The following INTS9 variants were observed in gnomAD, a reference collection of about 807,000 sequenced individuals.
INTS9 encodes the protein protein related to CPSF subunits of 74 kDa.
In INTS9, 55 loss-of-function variants were observed where a neutral mutation model predicts 79.7. The observed-to-expected ratio is 0.69, with a 90% CI of 0.56 to 0.86. INTS9 has a LOEUF of 0.86. INTS9 is among the 40% of genes least tolerant of loss of function. INTS9 has a pLI of 0.00. For synonymous variants in INTS9, 319 were observed against 325.2 expected (o/e 0.98, Z 0.20); for missense variants, 721 against 831.5 (o/e 0.87, Z 1.64).
At chr8:28,881,855 C>T (rs1809849941) in intron 1 of INTS9, among the ~76,000 whole-genome samples, 1 of 144,344 alleles carries the variant, frequency 6.9e-6, no homozygotes. Flanking sequence ...CCCGCCCGGC[C>T]AGCCGCCCCA....
chr8:28,856,487 T>C (rs1808167930), intron 2 of INTS9, among the ~76,000 whole-genome samples: 1 of 152,074 alleles, frequency 6.6e-6, no homozygotes, highest in African/African-American at 2.4e-5. Context: ...GGTGGCACAA[T>C]CATGGCTCAC....
At chr8:28,857,491 G>A (rs185739782) in intron 2 of INTS9, among the ~76,000 whole-genome samples, 3 of 152,156 alleles carry the variant, frequency 2.0e-5, no homozygotes, top group East Asian at 1.9e-4. Flanking sequence ...GGGGAAAAAC[G>A]AATTGAGAGA....
In INTS9 at chr8:28,846,954, G is replaced by C. The variant is rs938786318; in HGVS notation, c.199-145C>G. 9.0e-6 allele frequency: 6 copies of C among 665,750 alleles called. No individual in the cohort carries two copies. The African/African-American group carries it at 1.1e-4, about 12-fold the overall frequency. The allele number at this position is 665,750 out of a possible 1,614,324, so 41.2% of individuals were successfully genotyped here. On this transcript the variant is annotated intron_variant, in intron 3 of 16. Transcript: ENST00000521022. ...AAGCTGGGAGGTTATTAGGCCGACT[G>C]TCCTATGTTTAGGCTTAGGCAGGCC...
chr8:28,862,339 C>CTG (rs1476660584), intron 1 of INTS9: 7 of 503,718 alleles, frequency 1.4e-5, no homozygotes, highest in Non-Finnish European at 1.8e-5. Context: ...ATTCACACTG[C>CTG]TGTGTGTGCT....
chr8:28,782,662 T>C (rs1803351531), intron 11 of INTS9, among the ~76,000 whole-genome samples: 1 of 152,240 alleles, frequency 6.6e-6, no homozygotes, highest in Non-Finnish European at 1.5e-5. Flanking sequence ...ACGCCTGTAA[T>C]TCCAGCACTT....
chr8:28,838,467 T>C (rs1806955674), intron 4 of INTS9, among the ~76,000 whole-genome samples: 1 of 152,194 alleles, frequency 6.6e-6, no homozygotes, highest in South Asian at 2.1e-4. Context: ...GGGTAAATTT[T>C]AGGAAAACTC....
In INTS9 at chr8:28,793,868, G is replaced by T. The variant is rs781691304; in HGVS notation, c.976C>A (p.Leu326Ile). The T allele has an allele frequency of 6.2e-7, 1 of 1,613,942 alleles. No individual in the cohort carries two copies. Residue 326 changes from leucine (L) to isoleucine (I), a missense_variant, in exon 10 of 17, where the codon CTC becomes ATC. By Grantham distance (5) the Leu-to-Ile change is conservative. Coordinates refer to ENST00000521022, the MANE Select transcript of INTS9 (RefSeq NM_018250.4). ...IDSAGLSSVP[L>I]YFISPVANSS... ...TTGGCCACAGGGGAGATGAAGTAGAGGGGGACGCTGGAAAGCCCGGCTGAG... is the reference window on the plus strand; with the variant it reads ...TTGGCCACAGGGGAGATGAAGTAGATGGGGACGCTGGAAAGCCCGGCTGAG...
At chr8:28,792,896 G>C (rs1454063457) in intron 10 of INTS9, among the ~76,000 whole-genome samples, 3 of 141,782 alleles carry the variant, frequency 2.1e-5, no homozygotes, top group Admixed American at 7.3e-5. Flanking sequence ...CTGGGCAACA[G>C]AGCAAGACTC....
At position 28,878,641 on chromosome 8, in the gene INTS9, TAA is replaced by T. The variant is rs112921124; in HGVS notation, c.9+11231_9+11232del. ...CTGGCCTTCACTGTTTTTTTTTTTTTAAAAAAAAAACAAAACAAAAAACTCTT... is the reference window on the plus strand; with the variant it reads ...CTGGCCTTCACTGTTTTTTTTTTTTTAAAAAAAACAAAACAAAAAACTCTT... On this transcript the variant is annotated intron_variant, in intron 1 of 16. Transcript: ENST00000521022. Among the ~76,000 whole-genome samples the T allele has an allele frequency of 1.6e-3, 225 of 136,682 alleles. 1 individual carries two copies. The highest frequency in any genetic ancestry group is 5.8e-3 in the African/African-American group (212 of 36,726). 89.7% of individuals were successfully genotyped at this position (136,682 alleles called of 152,430 possible).
rs369293166 is a variant in INTS9 at position 28,882,532 on chromosome 8, T to TA, written c.9+7341dup. On this transcript the variant is annotated intron_variant, in intron 1 of 16. Coordinates refer to ENST00000521022, the MANE Select transcript of INTS9 (RefSeq NM_018250.4). ...AATATATGCAAGCGATATTAACAGC[T>TA]AAAAAAAAAAAAAAAGAAAAAAAAA... is the stretch of plus-strand genomic sequence containing the variant. Among the ~76,000 whole-genome samples the TA allele has an allele frequency of 8.4e-3, 531 of 63,282 alleles. 6 individuals are homozygous for TA. The highest frequency in any genetic ancestry group is 0.011 in the African/African-American group (157 of 14,526). 41.5% of individuals were successfully genotyped at this position (63,282 alleles called of 152,430 possible).
intron 2 of INTS9, among the ~76,000 whole-genome samples, chr8:28,853,408 C>A: frequency 7.0e-6 from 1 of 142,558 alleles, no homozygotes. Context: ...AGCAAAACTC[C>A]ATCTCAAAAA....
chr8:28,868,731 A>G (rs1330008828), intron 1 of INTS9, among the ~76,000 whole-genome samples: 1 of 152,110 alleles, frequency 6.6e-6, no homozygotes, highest in Non-Finnish European at 1.5e-5. Context: ...TCATTATTCC[A>G]CCATTTCACT....
chr8:28,772,077 GT>G (rs1434040953), intron 14 of INTS9, among the ~76,000 whole-genome samples: 1 of 152,146 alleles, frequency 6.6e-6, no homozygotes, highest in Non-Finnish European at 1.5e-5. Context: ...GCCCAGGCTG[GT>G]CTTGAACTCC....
intron 1 of INTS9, among the ~76,000 whole-genome samples, chr8:28,888,579 A>G (rs1313353869): frequency 6.6e-6 from 1 of 152,182 alleles, no homozygotes. Flanking sequence ...ACTTTGGTTT[A>G]CTTTTCTATC....
At chr8:28,791,722 G>T (rs773212983) in intron 10 of INTS9, among the ~76,000 whole-genome samples, 8 of 152,168 alleles carry the variant, frequency 5.3e-5, no homozygotes, top group Non-Finnish European at 1.0e-4. Context: ...ATTCCTCAAG[G>T]TCAGGGACCT....
chr8:28,777,749 C>A, intron 13 of INTS9, 80 bp downstream of exon 13: 1 of 1,464,430 alleles, frequency 6.8e-7, no homozygotes, highest in Non-Finnish European at 9.1e-7. Flanking sequence ...AGCTAGATCT[C>A]TCTCCCCTCA....
At chr8:28,856,663 C>T (rs543664987) in intron 2 of INTS9, among the ~76,000 whole-genome samples, 1 of 152,284 alleles carries the variant, frequency 6.6e-6, no homozygotes, top group African/African-American at 2.4e-5. Context: ...TAAAGATACA[C>T]ATTTGTAAGT....
intron 13 of INTS9, among the ~76,000 whole-genome samples, chr8:28,777,463 G>A (rs1173917303): frequency 6.6e-6 from 1 of 151,856 alleles, no homozygotes; most frequent in Non-Finnish European, 1.5e-5. Flanking sequence ...TGTGGTACCA[G>A]CCTACACGTG....
intron 14 of INTS9, among the ~76,000 whole-genome samples, chr8:28,773,694 G>GTTT (rs112128891): frequency 0.016 from 2,393 of 150,922 alleles, 75 homozygotes; most frequent in African/African-American, 0.055. Context: ...GCTAATTTTT[G>GTTT]TTTTTTTATT....
Sources: allele counts gnomAD v4.1 joint callset (sites outside exome capture counted in the v4.1 genomes callset), GRCh38; gene constraint gnomAD v4.1.1; transcripts MANE v1.5; gene names NCBI Gene and HGNC (gene_info 2026-07-23, HGNC 2026-07-21).